Variants in EVL observed in about 807,000 individuals in gnomAD.
The protein encoded by EVL is Enah/Vasp-like.
A neutral mutation model predicts 59.6 loss-of-function variants in EVL; 21 were observed. That is an observed-to-expected ratio of 0.35 (90% CI 0.25 to 0.51). The LOEUF (loss-of-function observed/expected upper bound fraction) is 0.51. Ranked by LOEUF, EVL falls within the 20% of genes least tolerant of loss-of-function variation. EVL has a pLI of 0.97. For synonymous variants in EVL, 198 were observed against 203.5 expected (o/e 0.97, Z 0.23); for missense variants, 462 against 546.6 (o/e 0.85, Z 1.54).
chr14:100,128,405 C>A (rs977584864), intron 5 of EVL, 114 bp from the exon 6 acceptor site: 12 of 1,053,922 alleles, frequency 1.1e-5, no homozygotes, highest in Non-Finnish European at 1.6e-5. Context: ...TGTTTCTCAT[C>A]CCTTTGGGGA....
Position 100,097,673 on chromosome 14 carries a change from G to T in EVL, c.358+15G>T, listed in dbSNP as rs902543596. 5.7e-6 allele frequency: 9 copies of T among 1,592,252 alleles called. No homozygotes were observed. Among genetic ancestry groups the T allele is most frequent in the Non-Finnish European group, 7.7e-6 (9 of 1,168,996 alleles). On this transcript the variant is annotated intron_variant, in intron 3 of 13. Transcript: ENST00000392920. ...CCAAGAAGGAGGTAAGTAGGGCTTT[G>T]TCTTGGCCTGATGCTGAGACCCTCT...
rs758435997 is a variant in EVL at position 100,123,597 on chromosome 14, G to A, written c.417G>A (p.Gln139=). 8.7e-6 allele frequency: 14 copies of A among 1,614,018 alleles called. No individual in the cohort carries two copies. The highest frequency in any genetic ancestry group is 1.7e-6 in the Non-Finnish European group (2 of 1,180,010). Residue 139 remains glutamine, a synonymous_variant, in exon 4 of 14, where the codon CAG becomes CAA. Coordinates refer to ENST00000392920, the MANE Select transcript of EVL (RefSeq NM_016337.3). ...CCTCTCCTGATGAGATGGACATCCAGAGAAGGTAACCCAGCACCCGCAGGG... is the reference window on the plus strand; with the variant it reads ...CCTCTCCTGATGAGATGGACATCCAAAGAAGGTAACCCAGCACCCGCAGGG... The part of the protein sequence containing the change: ...NGPSPDEMDI[Q]RRQVMEQHQQ...
At chr14:100,012,347 G>T (rs555301976) in intron 1 of EVL, among the ~76,000 whole-genome samples, 2 of 152,178 alleles carry the variant, frequency 1.3e-5, no homozygotes, top group African/African-American at 4.8e-5. Context: ...GTGTAACAGT[G>T]CTGGTCACAT....
At position 100,128,529 on chromosome 14, in the gene EVL, C is replaced by T; in HGVS notation, c.498C>T (p.Leu166=). 1 of 1,611,704 alleles carries T rather than the reference C, an allele frequency of 6.2e-7. No homozygotes were observed. Among genetic ancestry groups the T allele is most frequent in the East Asian group, 2.2e-5 (1 of 44,864 alleles). ...ACTGTTGTGTTTCAGGGCCCATCCT[C>T]CCACCAGGACATCCTTCATCTGCAG... ...ERRTSATGPI[L]PPGHPSSAAS... The change falls in exon 6 of 14, where the codon CTC becomes CTT. Residue 166 remains leucine, a synonymous_variant. Transcript: ENST00000392920.
In EVL at chr14:100,125,150, A is replaced by ACACACACACACC. The variant is rs1555361572; in HGVS notation, c.422+1549_422+1550insACACACACACCC. On this transcript the variant is annotated intron_variant, in intron 4 of 13. Transcript: ENST00000392920. ...CACACACACACACACACACACACAC[A>ACACACACACACC]CCTGCCCCAAGGCAGGAATACACAC... 8.1e-3 allele frequency among the ~76,000 whole-genome samples: 1,034 copies of ACACACACACACC among 128,344 alleles called. 93 individuals carry two copies. Among genetic ancestry groups the ACACACACACACC allele is most frequent in the African/African-American group, 0.035 (959 of 27,700 alleles). The allele number at this position is 128,344 out of a possible 152,430, so 84.2% of individuals were successfully genotyped here. A position where few individuals can be genotyped will look rare whatever the true frequency, so the allele number is the denominator to read the frequency against.
At chr14:100,112,238 A>T (rs1887043672) in intron 3 of EVL, among the ~76,000 whole-genome samples, 1 of 152,182 alleles carries the variant, frequency 6.6e-6, no homozygotes, top group Non-Finnish European at 1.5e-5. Context: ...CCAGTTTGAG[A>T]GTGGACAGGC....
intron 2 of EVL, among the ~76,000 whole-genome samples, chr14:100,090,120 G>A (rs185976378): frequency 1.6e-3 from 238 of 152,114 alleles, no homozygotes; most frequent in Non-Finnish European, 2.7e-3. Context: ...GAAATAGAAA[G>A]CAGATGTATG....
In EVL at chr14:100,137,276, G is replaced by A. The variant is rs2140401688; in HGVS notation, c.965-302G>A. 6.5e-6 allele frequency: 3 copies of A among 459,586 alleles called. No individual in the cohort carries two copies. The South Asian group carries it at 7.3e-5, about 11-fold the overall frequency. 28.5% of individuals were successfully genotyped at this position (459,586 alleles called of 1,614,324 possible). ...AGGCTGTGCTGGGATGTCCGGGGAG[G>A]TCGTGCTTGCTCGCCCTGTGGCTCT... On this transcript the variant is annotated intron_variant, in intron 9 of 13. Coordinates refer to ENST00000392920, the MANE Select transcript of EVL (RefSeq NM_016337.3).
intron 3 of EVL, among the ~76,000 whole-genome samples, chr14:100,099,608 G>A (rs1886065007): frequency 6.6e-6 from 1 of 152,132 alleles, no homozygotes; most frequent in African/African-American, 2.4e-5. Context: ...AGGGCCTGAG[G>A]CATCGTAAGT....
At chr14:100,107,475 G>A (rs1345567973) in intron 3 of EVL, 1 of 395,714 alleles carries the variant, frequency 2.5e-6, no homozygotes, top group Admixed American at 4.4e-5. Context: ...GGGGGAGGAT[G>A]TGTGCAGGCC....
intron 1 of EVL, among the ~76,000 whole-genome samples, chr14:99,980,938 T>C (rs1475535704): frequency 6.6e-6 from 1 of 152,186 alleles, no homozygotes; most frequent in Non-Finnish European, 1.5e-5. Context: ...AACTTAGTTT[T>C]ATAGTTGTGT....
chr14:100,024,574 G>T (rs1008437100), intron 1 of EVL, among the ~76,000 whole-genome samples: 1 of 152,158 alleles, frequency 6.6e-6, no homozygotes, highest in African/African-American at 2.4e-5. Flanking sequence ...TCACATAAAT[G>T]AAATGGACTC....
At chr14:100,016,144 G>T (rs888905313) in intron 1 of EVL, among the ~76,000 whole-genome samples, 1 of 151,904 alleles carries the variant, frequency 6.6e-6, no homozygotes, top group Non-Finnish European at 1.5e-5. Context: ...ATTCTTTCAT[G>T]GTACAAAGGG....
At chr14:100,126,867 T>A in intron 5 of EVL, 96 bp downstream of exon 5, 1 of 1,190,826 alleles carries the variant, frequency 8.4e-7, no homozygotes, top group Non-Finnish European at 1.2e-6. Flanking sequence ...GGGCGCTCTG[T>A]GAGCAGCTAT....
chr14:100,141,225 C>A lies in EVL; in HGVS notation c.1140C>A (p.Phe380Leu), dbSNP rs138385143. The change falls in exon 12 of 14, where the codon TTC becomes TTA. Residue 380 changes from phenylalanine (F) to leucine (L), a missense_variant. Phe to Leu is a conservative substitution (Grantham distance 22). Transcript: ENST00000392920. ...GSVNDMALDA[F>L]DLDRMKQEIL... ...TGAATGACATGGCCCTGGATGCCTT[C>A]GACTTGGACCGGATGAAGCAGGTGA... 1 of 1,613,870 alleles carries A rather than the reference C, an allele frequency of 6.2e-7. No individual in the cohort carries two copies. Among genetic ancestry groups the A allele is most frequent in the South Asian group, 1.1e-5 (1 of 91,084 alleles).
At chr14:100,036,390 A>T (rs974506003) in intron 1 of EVL, among the ~76,000 whole-genome samples, 2 of 152,214 alleles carry the variant, frequency 1.3e-5, no homozygotes, top group African/African-American at 4.8e-5. Context: ...AGAGCTGTCA[A>T]GATCATGAAA....
chr14:99,991,747 G>A (rs2060876700), intron 1 of EVL, among the ~76,000 whole-genome samples: 1 of 152,166 alleles, frequency 6.6e-6, no homozygotes. Flanking sequence ...GGGCAAAGGG[G>A]AAAAGGGTTA....
Position 100,097,509 on chromosome 14 carries a change from G to C in EVL, c.209G>C (p.Gly70Ala). 6.2e-7 allele frequency: 1 copy of C among 1,612,548 alleles called. No individual in the cohort carries two copies. The highest frequency in any genetic ancestry group is 8.5e-7 in the Non-Finnish European group (1 of 1,179,376). ...QVVINYSIVK[G>A]LKYNQATPTF... is the part of the protein sequence containing the mutation. ...GTGATCAATTATTCAATCGTGAAAG[G>C]GCTGAAGTACAATCAGGCCACGCCA... Residue 70 changes from glycine (G) to alanine (A), a missense_variant, in exon 3 of 14, where the codon GGG (glycine) becomes GCG (alanine). By Grantham distance (60) the Gly-to-Ala change is moderately conservative. Coordinates refer to ENST00000392920, the MANE Select transcript of EVL (RefSeq NM_016337.3).
chr14:99,988,684 G>A (rs999491959), intron 1 of EVL, among the ~76,000 whole-genome samples: 2 of 152,166 alleles, frequency 1.3e-5, no homozygotes, highest in African/African-American at 4.8e-5. Context: ...CAACCCAAAT[G>A]TTCACGAATC....
Sources: allele counts gnomAD v4.1 joint callset (sites outside exome capture counted in the v4.1 genomes callset), GRCh38; gene constraint gnomAD v4.1.1; transcripts MANE v1.5; gene names NCBI Gene and HGNC (gene_info 2026-07-23, HGNC 2026-07-21).